Variants in C1orf87 observed in about 807,000 individuals in gnomAD.
C1orf87 encodes the protein chromosome 1 open reading frame 87.
A neutral mutation model predicts 60.5 loss-of-function variants in C1orf87; 58 were observed. That is an observed-to-expected ratio of 0.96 (90% CI 0.78 to 1.19). The LOEUF (loss-of-function observed/expected upper bound fraction) is 1.19. C1orf87 is among the 50% of genes most tolerant of loss of function. The pLI, the probability that C1orf87 is intolerant of heterozygous loss-of-function variation, is 0.00. For missense variants in C1orf87, 673 were observed against 638.6 expected, an observed-to-expected ratio of 1.05 and a Z score of -0.58; for synonymous variants, 236 against 227.4, an observed-to-expected ratio of 1.04 and a Z score of -0.34.
intron 8 of C1orf87, among the ~76,000 whole-genome samples, chr1:60,022,342 G>A (rs1645169575): frequency 6.6e-6 from 1 of 151,928 alleles, no homozygotes; most frequent in African/African-American, 2.4e-5. Context: ...TAGAGGGGGT[G>A]ACAGGGAACC....
In C1orf87 at chr1:60,010,395, T is replaced by C; in HGVS notation, c.1189A>G (p.Thr397Ala). 2 of 1,612,148 alleles carry C rather than the reference T, an allele frequency of 1.2e-6. No individual in the cohort carries two copies. Among genetic ancestry groups the C allele is most frequent in the Non-Finnish European group, 1.7e-6 (2 of 1,178,646 alleles). Residue 397 changes from threonine (T) to alanine (A), a missense_variant, in exon 9 of 12, where the codon ACA (threonine) becomes GCA (alanine). By Grantham distance (58) the Thr-to-Ala change is moderately conservative. Coordinates refer to ENST00000371201, the MANE Select transcript of C1orf87 (RefSeq NM_152377.3). ...ASSDLLSDLP[T>A]GKNEKKAPAP... ...GCAAAAAAATAATGGAACTCACCTG[T>C]AGGCAAATCAGATAACAAATCAGAA...
intron 3 of C1orf87, among the ~76,000 whole-genome samples, chr1:60,046,772 C>T (rs1645375100): frequency 6.6e-6 from 1 of 152,294 alleles, no homozygotes; most frequent in Non-Finnish European, 1.5e-5. Flanking sequence ...TCTTCCCACT[C>T]TGCCCCTTTC....
chr1:60,055,516 G>A, intron 2 of C1orf87, 78 bp from the exon 3 acceptor site: 5 of 1,288,532 alleles, frequency 3.9e-6, no homozygotes, highest in South Asian at 3.7e-5. Context: ...AACAGAAGGT[G>A]TGTTTGGTGT....
intron 2 of C1orf87, among the ~76,000 whole-genome samples, chr1:60,067,801 C>T (rs1232307005): frequency 6.6e-6 from 1 of 151,886 alleles, no homozygotes; most frequent in East Asian, 1.9e-4. Flanking sequence ...TTTGCCTATG[C>T]CTCTGTTCTG....
chr1:60,032,421 T>C (rs1399989209), intron 7 of C1orf87, among the ~76,000 whole-genome samples: 2 of 150,702 alleles, frequency 1.3e-5, no homozygotes, highest in African/African-American at 4.9e-5. Context: ...ATTGGCCTCT[T>C]TGAGACTCAG....
chr1:60,025,702 A>G (rs1463132942), intron 7 of C1orf87, among the ~76,000 whole-genome samples: 1 of 152,222 alleles, frequency 6.6e-6, no homozygotes, highest in East Asian at 1.9e-4. Context: ...AATGCTTACC[A>G]GCAAGTTTTT....
intron 3 of C1orf87, among the ~76,000 whole-genome samples, chr1:60,046,088 C>T (rs1482696699): frequency 1.3e-5 from 2 of 148,964 alleles, no homozygotes; most frequent in Non-Finnish European, 3.0e-5. Context: ...TTCCTTCCTG[C>T]TTTTCTCTCT....
At chr1:60,069,578 A>T (rs888063939) in intron 2 of C1orf87, among the ~76,000 whole-genome samples, 1 of 152,186 alleles carries the variant, frequency 6.6e-6, no homozygotes, top group Non-Finnish European at 1.5e-5. Flanking sequence ...TATACTAAAT[A>T]TAAGTATTTT....
chr1:60,013,064 T>A (rs2100260300), intron 8 of C1orf87, among the ~76,000 whole-genome samples: 1 of 152,250 alleles, frequency 6.6e-6, no homozygotes, highest in East Asian at 1.9e-4. Flanking sequence ...GATCCCTGAA[T>A]AATTGCCTTT....
intron 3 of C1orf87, 105 bp downstream of exon 3, chr1:60,055,099 A>G: frequency 9.7e-7 from 1 of 1,031,576 alleles, no homozygotes. Flanking sequence ...CATGCAAAAT[A>G]TATTAATGAA....
At chr1:60,031,009 A>G (rs1317720967) in intron 7 of C1orf87, among the ~76,000 whole-genome samples, 1 of 152,086 alleles carries the variant, frequency 6.6e-6, no homozygotes, top group Non-Finnish European at 1.5e-5. Context: ...GGCAGTCTGG[A>G]TGTGCTTTTA....
intron 11 of C1orf87, 120 bp from the exon 12 acceptor site, chr1:59,990,953 T>TAAG: frequency 1.0e-6 from 1 of 958,238 alleles, no homozygotes; most frequent in Non-Finnish European, 1.5e-6. Flanking sequence ...TTTGCAATTT[T>TAAG]AAGCTTCTTA....
At chr1:60,015,412 A>G (rs1269548869) in intron 8 of C1orf87, among the ~76,000 whole-genome samples, 1 of 152,214 alleles carries the variant, frequency 6.6e-6, no homozygotes. Context: ...CCACCCAGTC[A>G]ATAGTATCTT....
intron 3 of C1orf87, among the ~76,000 whole-genome samples, chr1:60,053,069 G>A (rs925541923): frequency 1.3e-5 from 2 of 152,216 alleles, no homozygotes; most frequent in African/African-American, 4.8e-5. Context: ...GATCATGGAG[G>A]TTAAGAACAG....
intron 10 of C1orf87, among the ~76,000 whole-genome samples, chr1:59,999,177 G>A (rs527874818): frequency 6.3e-4 from 96 of 152,242 alleles, no homozygotes; most frequent in Non-Finnish European, 9.7e-4. Context: ...AACAAACATG[G>A]ATTAAGTTGC....
At chr1:59,992,659 G>T (rs1318109895) in intron 11 of C1orf87, among the ~76,000 whole-genome samples, 1 of 152,148 alleles carries the variant, frequency 6.6e-6, no homozygotes, top group Non-Finnish European at 1.5e-5. Flanking sequence ...GCCACTACTA[G>T]TCCATTAGAG....
rs747404278 is a variant in C1orf87 at position 60,025,499 on chromosome 1, C to A, written c.1030-1G>T. 22 of 1,579,364 alleles carry A rather than the reference C, an allele frequency of 1.4e-5. No individual in the cohort carries two copies. Among genetic ancestry groups the A allele is most frequent in the Middle Eastern group, 3.4e-4 (2 of 5,908 alleles). On this transcript the variant is annotated splice_acceptor_variant, in intron 7 of 11. Coordinates refer to ENST00000371201, the MANE Select transcript of C1orf87 (RefSeq NM_152377.3). LOFTEE classifies it high-confidence loss of function. ...CATGCTTCCCACATATAGCCCTGAC[C>A]TACAAGTTAAAAAAAAATAAAAAAG... is the stretch of plus-strand genomic sequence containing the variant.
At chr1:60,028,823 ACT>A (rs1395267317) in intron 7 of C1orf87, among the ~76,000 whole-genome samples, 1 of 147,340 alleles carries the variant, frequency 6.8e-6, no homozygotes, top group East Asian at 2.0e-4. Context: ...CCTTCTCCAA[ACT>A]CTCTTTGTTT....
chr1:60,033,029 C>T (rs1318185237), intron 7 of C1orf87, among the ~76,000 whole-genome samples: 1 of 152,150 alleles, frequency 6.6e-6, no homozygotes, highest in African/African-American at 2.4e-5. Flanking sequence ...CCATGAAGCA[C>T]ATCTGCACTA....
Sources: allele counts gnomAD v4.1 joint callset (sites outside exome capture counted in the v4.1 genomes callset), GRCh38; gene constraint gnomAD v4.1.1; transcripts MANE v1.5; gene names NCBI Gene and HGNC (gene_info 2026-07-23, HGNC 2026-07-21).